DPY19L3: variants seen among roughly 807,000 people sequenced by gnomAD.
DPY19L3 encodes the protein protein C-mannosyl-transferase DPY19L3.
A neutral mutation model predicts 92.3 loss-of-function variants in DPY19L3; 51 were observed. The ratio of observed to expected loss-of-function variants is 0.55; its 90% confidence interval spans 0.44 to 0.70. The LOEUF (loss-of-function observed/expected upper bound fraction) is 0.70. Ranked by LOEUF, DPY19L3 falls within the 30% of genes least tolerant of loss-of-function variation. DPY19L3 has a pLI of 0.00. For missense variants in DPY19L3, 706 were observed against 855.9 expected (o/e 0.82, Z 2.18); for synonymous variants, 309 against 315.2 (o/e 0.98, Z 0.21).
intron 8 of DPY19L3, among the ~76,000 whole-genome samples, chr19:32,450,270 A>G (rs1249180391): frequency 6.6e-6 from 1 of 152,196 alleles, no homozygotes; most frequent in Non-Finnish European, 1.5e-5. Context: ...ACTCTCATAC[A>G]TTGATGATGA....
At chr19:32,424,570 C>T (rs1297075816) in intron 3 of DPY19L3, among the ~76,000 whole-genome samples, 1 of 151,650 alleles carries the variant, frequency 6.6e-6, no homozygotes, top group African/African-American at 2.4e-5. Context: ...GCCAAGTCTT[C>T]AGTGAGCCAA....
In DPY19L3 at chr19:32,458,455, T is replaced by A; in HGVS notation, c.1268T>A (p.Phe423Tyr). The A allele has an allele frequency of 6.2e-7, 1 of 1,613,900 alleles. No homozygotes were observed. Among genetic ancestry groups the A allele is most frequent in the Non-Finnish European group, 8.5e-7 (1 of 1,179,996 alleles). ...ACTCTGCTTTTTTATGCTTACATATTCGTTCTGTCCATCACAGTGATTGTA... is the reference window on the plus strand; with the variant it reads ...ACTCTGCTTTTTTATGCTTACATATACGTTCTGTCCATCACAGTGATTGTA... The part of the protein sequence containing the change: ...SDTLLFYAYI[F>Y]VLSITVIVAF... The change falls in exon 12 of 19, where the codon TTC becomes TAC. Residue 423 changes from phenylalanine to tyrosine, a missense_variant. Phe to Tyr is a conservative substitution (Grantham distance 22). Coordinates refer to ENST00000392250, the MANE Select transcript of DPY19L3 (RefSeq NM_001172774.2).
At chr19:32,408,401 C>T (rs1414562511) in intron 2 of DPY19L3, 45 bp downstream of exon 2, 3 of 1,429,734 alleles carry the variant, frequency 2.1e-6, no homozygotes, top group Admixed American at 1.8e-5. Context: ...GCTTTTATTT[C>T]TGCATATTAA....
intron 3 of DPY19L3, among the ~76,000 whole-genome samples, chr19:32,421,932 A>G (rs1256236923): frequency 1.3e-5 from 2 of 152,196 alleles, no homozygotes; most frequent in African/African-American, 4.8e-5. Context: ...GAAGATCCCC[A>G]AAGCTATCAA....
chr19:32,449,868 A>G (rs1969640707), intron 8 of DPY19L3, among the ~76,000 whole-genome samples: 1 of 152,236 alleles, frequency 6.6e-6, no homozygotes, highest in Non-Finnish European at 1.5e-5. Context: ...AACCTTAGAT[A>G]CAATACCAAA....
chr19:32,423,908 G>A (rs1225864824), intron 3 of DPY19L3, among the ~76,000 whole-genome samples: 1 of 151,894 alleles, frequency 6.6e-6, no homozygotes, highest in Non-Finnish European at 1.5e-5. Flanking sequence ...ACCTACTCGG[G>A]AGACTGAGGT....
chr19:32,478,391 G>A (rs1272391071), intron 17 of DPY19L3, among the ~76,000 whole-genome samples: 1 of 152,228 alleles, frequency 6.6e-6, no homozygotes, highest in Non-Finnish European at 1.5e-5. Flanking sequence ...AGGCGTTGAG[G>A]CATACTGGTC....
chr19:32,433,612 G>A (rs1055704761), intron 4 of DPY19L3, among the ~76,000 whole-genome samples: 59 of 151,938 alleles, frequency 3.9e-4, no homozygotes, highest in Admixed American at 3.9e-4. Flanking sequence ...CTGTGGAGAC[G>A]AAGTCTCACT....
At position 32,464,732 on chromosome 19, in the gene DPY19L3, G is replaced by A. The variant is rs746776641; in HGVS notation, c.1562G>A (p.Cys521Tyr). 6.8e-7 allele frequency: 1 copy of A among 1,479,772 alleles called. No homozygotes were observed. Among genetic ancestry groups the A allele is most frequent in the Non-Finnish European group, 9.2e-7 (1 of 1,083,870 alleles). 91.7% of individuals were successfully genotyped at this position (1,479,772 alleles called of 1,614,324 possible). The part of the protein sequence containing the change: ...SVHLYNPKRI[C>Y]IMRYSVPILI... ...AATAATGTCTTTCTTATATAGATATGTATAATGCGATATTCAGTACCGATA... is the reference window on the plus strand; with the variant it reads ...AATAATGTCTTTCTTATATAGATATATATAATGCGATATTCAGTACCGATA... The change falls in exon 15 of 19, where the codon TGT (cysteine) becomes TAT (tyrosine). Residue 521 changes from cysteine (C) to tyrosine (Y), a missense_variant. Cys to Tyr is a radical substitution (Grantham distance 194). Coordinates refer to ENST00000392250, the MANE Select transcript of DPY19L3 (RefSeq NM_001172774.2).
chr19:32,454,860 C>T, intron 9 of DPY19L3, 79 bp from the exon 10 acceptor site: 3 of 936,988 alleles, frequency 3.2e-6, no homozygotes, highest in Non-Finnish European at 4.9e-6. Flanking sequence ...GTTTTTAAAT[C>T]CTTAAGTAAG....
chr19:32,454,627 C>T (rs1360049050), intron 9 of DPY19L3, among the ~76,000 whole-genome samples: 1 of 152,040 alleles, frequency 6.6e-6, no homozygotes, highest in Non-Finnish European at 1.5e-5. Flanking sequence ...TCAGCGTATC[C>T]TGAGTACCTT....
At chr19:32,441,557 G>A (rs929281579) in intron 8 of DPY19L3, among the ~76,000 whole-genome samples, 6 of 149,976 alleles carry the variant, frequency 4.0e-5, no homozygotes. Flanking sequence ...GAGTGCAGTG[G>A]CGCGATCTTG....
intron 17 of DPY19L3, 113 bp from the exon 18 acceptor site, chr19:32,480,286 A>C: frequency 8.2e-7 from 1 of 1,220,592 alleles, no homozygotes; most frequent in Non-Finnish European, 1.1e-6. Flanking sequence ...GGCTGGAGAG[A>C]GCACCTTGGG....
At chr19:32,416,479 G>A (rs756911635) in intron 3 of DPY19L3, among the ~76,000 whole-genome samples, 127 of 152,180 alleles carry the variant, frequency 8.3e-4, no homozygotes, top group Non-Finnish European at 1.5e-3. Flanking sequence ...GGCCCCCCCA[G>A]GCAACCCTCA....
intron 17 of DPY19L3, among the ~76,000 whole-genome samples, chr19:32,478,150 A>G (rs1213355511): frequency 1.3e-5 from 2 of 152,194 alleles, no homozygotes; most frequent in African/African-American, 4.8e-5. Context: ...ACGTAAGTGC[A>G]CAGGGCTCGC....
intron 3 of DPY19L3, among the ~76,000 whole-genome samples, chr19:32,430,511 T>G (rs1030955434): frequency 1.1e-4 from 16 of 152,186 alleles, no homozygotes; most frequent in African/African-American, 3.9e-4. Flanking sequence ...CCCATTTTTC[T>G]AAAAGGAATT....
In DPY19L3 at chr19:32,463,926, C is replaced by A. The variant is rs1169584705; in HGVS notation, c.1503C>A (p.Ser501Arg). The A allele has an allele frequency of 6.2e-7, 1 of 1,613,418 alleles. No homozygotes were observed. The highest frequency in any genetic ancestry group is 1.7e-5 in the Admixed American group (1 of 59,994). Residue 501 changes from serine (S) to arginine (R), a missense_variant, in exon 14 of 19, where the codon AGC (serine) becomes AGA (arginine). Physicochemically the swap from Ser to Arg is moderately radical, Grantham distance 110. Coordinates refer to ENST00000392250, the MANE Select transcript of DPY19L3 (RefSeq NM_001172774.2). Reference protein sequence around the residue: ...MCVFASFGLCSPEIWELLLKS... With the variant: ...MCVFASFGLCRPEIWELLLKS... ...TGTTCGCATCATTCGGCCTATGTAG[C>A]CCTGAAATATGGGAGTTACTTCTGA...
intron 17 of DPY19L3, chr19:32,479,580 A>T: frequency 2.3e-6 from 1 of 432,784 alleles, no homozygotes; most frequent in South Asian, 1.6e-5. Flanking sequence ...GGACACATCA[A>T]GTTAGACCCT....
At chr19:32,461,411 G>A (rs1309442344) in intron 12 of DPY19L3, among the ~76,000 whole-genome samples, 1 of 152,224 alleles carries the variant, frequency 6.6e-6, no homozygotes, top group African/African-American at 2.4e-5. Context: ...CTATGGGGGA[G>A]GTACTGCAGA....
Sources: allele counts gnomAD v4.1 joint callset (sites outside exome capture counted in the v4.1 genomes callset), GRCh38; gene constraint gnomAD v4.1.1; transcripts MANE v1.5; gene names NCBI Gene and HGNC (gene_info 2026-07-23, HGNC 2026-07-21).